Variants in HNRNPA0 observed in about 807,000 individuals in gnomAD.
HNRNPA0 encodes the protein hnRNA binding protein.
For synonymous variants in HNRNPA0, 243 were observed against 195.5 expected, an observed-to-expected ratio of 1.24 and a Z score of -2.03; for missense variants, 252 against 433.7, an observed-to-expected ratio of 0.58 and a Z score of 3.72.
rs1028377075 is a variant in HNRNPA0 at position 137,751,145 on chromosome 5, T to C, written c.*2004A>G. 1 of 152,136 alleles carries C rather than the reference T, an allele frequency of 6.6e-6. No individual in the cohort carries two copies. Among genetic ancestry groups the C allele is most frequent in the African/African-American group, 2.4e-5 (1 of 41,434 alleles). 9.4% of individuals were successfully genotyped at this position (152,136 alleles called of 1,614,324 possible). ...ACTATTTGAGAGCAAAGGATTTGAC[T>C]ATGTATTACCTCAATGTGTAAAAAC... On this transcript the variant is annotated 3_prime_UTR_variant, in exon 1 of 1. Transcript: ENST00000314940.
In HNRNPA0 at chr5:137,753,053, G is replaced by T. The variant is rs1561629903; in HGVS notation, c.*96C>A. On this transcript the variant is annotated 3_prime_UTR_variant, in exon 1 of 1. Coordinates refer to ENST00000314940, the MANE Select transcript of HNRNPA0 (RefSeq NM_006805.4). This position sits in a 1 kb window ranked among gnomAD's most constrained non-coding sequence, Gnocchi z 6.1. ...CCCCCAAGGGCAAAACAGGGAAGGC[G>T]GTGTGTGTGAGGGGGTGGGGCTTAG... 2 of 1,328,568 alleles carry T rather than the reference G, an allele frequency of 1.5e-6. No homozygotes were observed. The highest frequency in any genetic ancestry group is 1.5e-5 in the African/African-American group (1 of 68,098). The allele number at this position is 1,328,568 out of a possible 1,614,324, so 82.3% of individuals were successfully genotyped here. A position where few individuals can be genotyped will look rare whatever the true frequency, so the allele number is the denominator to read the frequency against.
chr5:137,747,101 G>C lies in HNRNPA0; in HGVS notation c.*6048C>G, dbSNP rs1753419465. On this transcript the variant is annotated 3_prime_UTR_variant, in exon 1 of 1. Coordinates refer to ENST00000314940, the MANE Select transcript of HNRNPA0 (RefSeq NM_006805.4). ...TTGGGACTAGAGAATCTAGCAATAGGAGACAGTTACGAGAAGCCAGAAAAG... is the reference window on the plus strand; with the variant it reads ...TTGGGACTAGAGAATCTAGCAATAGCAGACAGTTACGAGAAGCCAGAAAAG... 1.3e-5 allele frequency: 2 copies of C among 152,148 alleles called. No individual in the cohort carries two copies. The highest frequency in any genetic ancestry group is 2.4e-5 in the African/African-American group (1 of 41,426). The allele number at this position is 152,148 out of a possible 1,614,324, so 9.4% of individuals were successfully genotyped here. A position where few individuals can be genotyped will look rare whatever the true frequency, so the allele number is the denominator to read the frequency against.
rs955997508 is a variant in HNRNPA0, at chr5:137,754,314, A to G, written c.-248T>C. 2.4e-5 allele frequency: 12 copies of G among 495,326 alleles called. No individual in the cohort carries two copies. The highest frequency in any genetic ancestry group is 3.9e-5 in the African/African-American group (2 of 51,898). The allele number at this position is 495,326 out of a possible 1,614,324, so 30.7% of individuals were successfully genotyped here. A position where few individuals can be genotyped will look rare whatever the true frequency, so the allele number is the denominator to read the frequency against. On this transcript the variant is annotated 5_prime_UTR_variant, in exon 1 of 1. Transcript: ENST00000314940. ...CTGGAAGACAACCAAGGCCACCGCT[A>G]CCGCCGCCGCCGCCACCTCCGCTCC... is the stretch of plus-strand genomic sequence containing the variant.
rs1753504942 is a variant in HNRNPA0, at chr5:137,751,939, T to A, written c.*1210A>T. On this transcript the variant is annotated 3_prime_UTR_variant, in exon 1 of 1. Transcript: ENST00000314940. ...AGCCCATCTCAGTTACAAGCAAATG[T>A]GTTAACTTCCAATTCTGCAAAGAAT... The A allele has an allele frequency of 6.6e-6, 1 of 152,642 alleles. No homozygotes were observed. Among genetic ancestry groups the A allele is most frequent in the South Asian group, 2.1e-4 (1 of 4,838 alleles). 9.5% of individuals were successfully genotyped at this position (152,642 alleles called of 1,614,324 possible).
In HNRNPA0 at chr5:137,754,326, G is replaced by A. The variant is rs1425268811; in HGVS notation, c.-260C>T. ...CAAGGCCACCGCTACCGCCGCCGCCGCCACCTCCGCTCCCCTATCTGGGCA... is the reference window on the plus strand; with the variant it reads ...CAAGGCCACCGCTACCGCCGCCGCCACCACCTCCGCTCCCCTATCTGGGCA... On this transcript the variant is annotated 5_prime_UTR_variant, in exon 1 of 1. Transcript: ENST00000314940. 9 of 498,292 alleles carry A rather than the reference G, an allele frequency of 1.8e-5. No individual in the cohort carries two copies. The highest frequency in any genetic ancestry group is 1.0e-4 in the East Asian group (3 of 29,294). 30.9% of individuals were successfully genotyped at this position (498,292 alleles called of 1,614,324 possible).
In HNRNPA0 at chr5:137,753,498, G is replaced by A. The variant is rs1199719974; in HGVS notation, c.569C>T (p.Ser190Phe). 1.3e-6 allele frequency: 2 copies of A among 1,594,362 alleles called. No individual in the cohort carries two copies. Among genetic ancestry groups the A allele is most frequent in the South Asian group, 1.1e-5 (1 of 89,242 alleles). ...CCGGCCGCCTCGGCCGCCCCGGGAG[G>A]ATCGGGAGCCGCCTCCACCCCCACC... is the stretch of plus-strand genomic sequence containing the variant. ...YSGGGGGGSRSSRGGRGGRGR... is the reference protein window; with the variant it reads ...YSGGGGGGSRFSRGGRGGRGR... The change falls in exon 1 of 1, where the codon TCC becomes TTC. Residue 190 changes from serine to phenylalanine, a missense_variant. Coordinates refer to ENST00000314940, the MANE Select transcript of HNRNPA0 (RefSeq NM_006805.4). This position sits in a 1 kb window ranked among gnomAD's most constrained non-coding sequence, Gnocchi z 6.1.
At position 137,753,522 on chromosome 5, in the gene HNRNPA0, C is replaced by G; in HGVS notation, c.545G>C (p.Gly182Ala). Residue 182 changes from glycine to alanine, a missense_variant, in exon 1 of 1, where the codon GGT (glycine) becomes GCT (alanine). Physicochemically the swap from Gly to Ala is moderately conservative, Grantham distance 60. Transcript: ENST00000314940. This position sits in a 1 kb window ranked among gnomAD's most constrained non-coding sequence, Gnocchi z 6.1. ...GGATCGGGAGCCGCCTCCACCCCCA[C>G]CGGAGTAGATATCCTCCTTGGGGAC... ...KAVPKEDIYS[G>A]GGGGGSRSSR... is the part of the protein sequence containing the mutation. 4.4e-6 allele frequency: 7 copies of G among 1,609,040 alleles called. No homozygotes were observed. Among genetic ancestry groups the G allele is most frequent in the Non-Finnish European group, 5.9e-6 (7 of 1,177,442 alleles).
rs1279953001 is a variant in HNRNPA0, at chr5:137,749,785, C to T, written c.*3364G>A. On this transcript the variant is annotated 3_prime_UTR_variant, in exon 1 of 1. Coordinates refer to ENST00000314940, the MANE Select transcript of HNRNPA0 (RefSeq NM_006805.4). ...CAGACGCGGGCAGACAAAATTTAAC[C>T]TAAAATGCAAACTCTCAAAACTTAA... 6.6e-6 allele frequency: 1 copy of T among 152,136 alleles called. No individual in the cohort carries two copies. Among genetic ancestry groups the T allele is most frequent in the Non-Finnish European group, 1.5e-5 (1 of 67,994 alleles). The allele number at this position is 152,136 out of a possible 1,614,324, so 9.4% of individuals were successfully genotyped here.
In HNRNPA0 at chr5:137,754,353, C is replaced by A; in HGVS notation, c.-287G>T. ...CACCTCCGCTCCCCTATCTGGGCACCACACAAAGAGGCCGCTGAACGCGCG... is the reference window on the plus strand; with the variant it reads ...CACCTCCGCTCCCCTATCTGGGCACAACACAAAGAGGCCGCTGAACGCGCG... On this transcript the variant is annotated 5_prime_UTR_variant, in exon 1 of 1. Transcript: ENST00000314940. 1 of 441,252 alleles carries A rather than the reference C, an allele frequency of 2.3e-6. No individual in the cohort carries two copies. The highest frequency in any genetic ancestry group is 4.2e-6 in the Non-Finnish European group (1 of 236,416). The allele number at this position is 441,252 out of a possible 1,614,324, so 27.3% of individuals were successfully genotyped here.
At position 137,749,073 on chromosome 5, in the gene HNRNPA0, A is replaced by G. The variant is rs182525435; in HGVS notation, c.*4076T>C. Reference sequence around the variant, plus strand: ...TTGTCTCACTGCTGTGTACCTCCACATTATAGAACTGTCTTACACAAAGGT... The same window carrying G: ...TTGTCTCACTGCTGTGTACCTCCACGTTATAGAACTGTCTTACACAAAGGT... On this transcript the variant is annotated 3_prime_UTR_variant, in exon 1 of 1. Transcript: ENST00000314940. The G allele has an allele frequency of 2.0e-5, 3 of 152,328 alleles. No homozygotes were observed. Among genetic ancestry groups the G allele is most frequent in the Admixed American group, 2.0e-4 (3 of 15,308 alleles). 9.4% of individuals were successfully genotyped at this position (152,328 alleles called of 1,614,324 possible).
Position 137,746,733 on chromosome 5 carries a change from C to T in HNRNPA0, c.*6416G>A, listed in dbSNP as rs1285546416. ...TAATTGATTATGTCTTATTGCCTGT[C>T]TCTCCCCAGTAAAATATAAGCTCTT... On this transcript the variant is annotated 3_prime_UTR_variant, in exon 1 of 1. Coordinates refer to ENST00000314940, the MANE Select transcript of HNRNPA0 (RefSeq NM_006805.4). 6.6e-6 allele frequency: 1 copy of T among 152,182 alleles called. No homozygotes were observed. The highest frequency in any genetic ancestry group is 1.9e-4 in the East Asian group (1 of 5,204). The allele number at this position is 152,182 out of a possible 1,614,324, so 9.4% of individuals were successfully genotyped here.
In HNRNPA0 at chr5:137,748,856, CTTAA is replaced by C. The variant is rs1753450539; in HGVS notation, c.*4289_*4292del. Reference sequence around the variant, plus strand: ...AGTAATCAATTAAGGAGAAAAGAGTCTTAATTTTCATCAGAGAATGTACATTCAA... The same window carrying C: ...AGTAATCAATTAAGGAGAAAAGAGTCTTTTCATCAGAGAATGTACATTCAA... On this transcript the variant is annotated 3_prime_UTR_variant, in exon 1 of 1. Transcript: ENST00000314940. 1 of 152,136 alleles carries C rather than the reference CTTAA, an allele frequency of 6.6e-6. No individual in the cohort carries two copies. Among genetic ancestry groups the C allele is most frequent in the African/African-American group, 2.4e-5 (1 of 41,424 alleles). 9.4% of individuals were successfully genotyped at this position (152,136 alleles called of 1,614,324 possible). A position where few individuals can be genotyped will look rare whatever the true frequency, so the allele number is the denominator to read the frequency against.
rs1414861666 is a variant in HNRNPA0, at chr5:137,749,829, C to T, written c.*3320G>A. ...AACTTAAGCACACTTAAAAGGTAAA[C>T]TAAGTTTACAAATCCAATAACTGAT... On this transcript the variant is annotated 3_prime_UTR_variant, in exon 1 of 1. Transcript: ENST00000314940. 6.6e-6 allele frequency: 1 copy of T among 152,116 alleles called. No individual in the cohort carries two copies. The highest frequency in any genetic ancestry group is 1.5e-5 in the Non-Finnish European group (1 of 67,996). The allele number at this position is 152,116 out of a possible 1,614,324, so 9.4% of individuals were successfully genotyped here. A position where few individuals can be genotyped will look rare whatever the true frequency, so the allele number is the denominator to read the frequency against.
rs546452935 is a variant in HNRNPA0 at position 137,753,004 on chromosome 5, G to A, written c.*145C>T. ...CAGGCAAATAGAGGAACACCCCCAA[G>A]GGTAAGCAGCCTTAGAAGTGGCTCC... is the stretch of plus-strand genomic sequence containing the variant. On this transcript the variant is annotated 3_prime_UTR_variant, in exon 1 of 1. Coordinates refer to ENST00000314940, the MANE Select transcript of HNRNPA0 (RefSeq NM_006805.4). This position sits in a 1 kb window ranked among gnomAD's most constrained non-coding sequence, Gnocchi z 6.1. The A allele has an allele frequency of 1.8e-5, 14 of 795,768 alleles. No homozygotes were observed. Among genetic ancestry groups the A allele is most frequent in the East Asian group, 2.7e-5 (1 of 37,368 alleles). The allele number at this position is 795,768 out of a possible 1,614,324, so 49.3% of individuals were successfully genotyped here.
chr5:137,753,204 C>G lies in HNRNPA0; in HGVS notation c.863G>C (p.Gly288Ala), dbSNP rs1753538172. ...ACCGCCATAGCCGCCTCTGTAAGGT[C>G]CACTATTACTGCGACCGCCCCAGCT... ...GSSWGGRSNS[G>A]PYRGGYGGGG... The change falls in exon 1 of 1, where the codon GGA (glycine) becomes GCA (alanine). Residue 288 changes from glycine to alanine, a missense_variant. Coordinates refer to ENST00000314940, the MANE Select transcript of HNRNPA0 (RefSeq NM_006805.4). This position sits in a 1 kb window ranked among gnomAD's most constrained non-coding sequence, Gnocchi z 6.1. 6.2e-7 allele frequency: 1 copy of G among 1,613,584 alleles called. No individual in the cohort carries two copies. Among genetic ancestry groups the G allele is most frequent in the Admixed American group, 1.7e-5 (1 of 59,978 alleles).
rs984057635 is a variant in HNRNPA0, at chr5:137,752,826, C to A, written c.*323G>T. ...CAGCAAGTTCACTCCCTCCCTCCCCCCAAAAAACACAAATTAAAACAAGAC... is the reference window on the plus strand; with the variant it reads ...CAGCAAGTTCACTCCCTCCCTCCCCACAAAAAACACAAATTAAAACAAGAC... On this transcript the variant is annotated 3_prime_UTR_variant, in exon 1 of 1. Transcript: ENST00000314940. 3.6e-5 allele frequency: 8 copies of A among 219,870 alleles called. No homozygotes were observed. The highest frequency in any genetic ancestry group is 1.8e-4 in the South Asian group (1 of 5,648). The allele number at this position is 219,870 out of a possible 1,614,324, so 13.6% of individuals were successfully genotyped here. A position where few individuals can be genotyped will look rare whatever the true frequency, so the allele number is the denominator to read the frequency against.
Position 137,753,548 on chromosome 5 carries a change from T to C in HNRNPA0, c.519A>G (p.Ala173=), listed in dbSNP as rs144520795. 3,452 of 1,612,790 alleles carry C rather than the reference T, an allele frequency of 2.1e-3. 4 individuals are homozygous for C. The highest frequency in any genetic ancestry group is 2.6e-3 in the Non-Finnish European group (3,108 of 1,179,076). Residue 173 remains alanine (A), a synonymous_variant, in exon 1 of 1, where the codon GCA becomes GCG. Coordinates refer to ENST00000314940, the MANE Select transcript of HNRNPA0 (RefSeq NM_006805.4). The surrounding 1 kb of genome is among the most constrained non-coding windows in gnomAD (Gnocchi z 6.1). ...CGGAGTAGATATCCTCCTTGGGGAC[T>C]GCTTTCTTCACCTCCACGCGATGGC... The part of the protein sequence containing the change: ...IQGHRVEVKK[A]VPKEDIYSGG...
Position 137,753,938 on chromosome 5 carries a change from C to G in HNRNPA0, c.129G>C (p.Gln43His). Reference sequence around the variant, plus strand: ...AGCCAAAGCAACGGGAGCGCTTGGTCTGGGGATTCACCACCACCACGCAGT... The same window carrying G: ...AGCCAAAGCAACGGGAGCGCTTGGTGTGGGGATTCACCACCACCACGCAGT... ...LTDCVVVVNP[Q>H]TKRSRCFGFV... Residue 43 changes from glutamine to histidine, a missense_variant, in exon 1 of 1, where the codon CAG becomes CAC. Transcript: ENST00000314940. The surrounding 1 kb of genome is among the most constrained non-coding windows in gnomAD (Gnocchi z 6.1). 1 of 1,614,134 alleles carries G rather than the reference C, an allele frequency of 6.2e-7. No homozygotes were observed. Among genetic ancestry groups the G allele is most frequent in the South Asian group, 1.1e-5 (1 of 91,086 alleles).
rs773113559 is a variant in HNRNPA0 at position 137,753,235 on chromosome 5, C to T, written c.832G>A (p.Gly278Ser). The change falls in exon 1 of 1, where the codon GGC (glycine) becomes AGC (serine). Residue 278 changes from glycine to serine, a missense_variant. Transcript: ENST00000314940. The surrounding 1 kb of genome is among the most constrained non-coding windows in gnomAD (Gnocchi z 6.1). ...TTACTGCGACCGCCCCAGCTACTGC[C>T]TCCACCGCCGCCGCCGCCGCCGCTC... ...MKSGGGGGGGGSSWGGRSNSG... is the reference protein window; with the variant it reads ...MKSGGGGGGGSSSWGGRSNSG... 9.3e-6 allele frequency: 15 copies of T among 1,611,662 alleles called. No homozygotes were observed. In the South Asian group the frequency reaches 1.6e-4, roughly 18 times the overall value.
Sources: allele counts gnomAD v4.1 joint callset, GRCh38; gene constraint gnomAD v4.1.1; non-coding constraint Gnocchi (gnomAD v3.1); transcripts MANE v1.5; gene names NCBI Gene and HGNC (gene_info 2026-07-23, HGNC 2026-07-21).